ESR1: variants seen among roughly 807,000 people sequenced by gnomAD.
ESR1 encodes estrogen receptor.
ESR1 carries 12 observed loss-of-function variants against 52.7 expected under a neutral mutation model. That is an observed-to-expected ratio of 0.23 (90% CI 0.15 to 0.37). The LOEUF is 0.37. Among genes scored for constraint, ESR1 ranks in the 10% least tolerant of loss-of-function variants. The probability of loss-of-function intolerance (pLI) is 1.00; values close to 1 mark genes in which losing one functional copy is unlikely to be tolerated. For synonymous variants in ESR1, 305 were observed against 316.8 expected (o/e 0.96, Z 0.39); for missense variants, 584 against 779.7 (o/e 0.75, Z 2.99).
intron 1 of ESR1, among the ~76,000 whole-genome samples, chr6:151,834,080 A>G (rs1263503916): frequency 6.6e-6 from 1 of 152,214 alleles, no homozygotes; most frequent in Non-Finnish European, 1.5e-5. Flanking sequence ...AGAAATAGGA[A>G]CACTTTTACA....
At chr6:151,983,594 T>C (rs2040188713) in intron 4 of ESR1, 1 of 152,110 alleles carries the variant, frequency 6.6e-6, no homozygotes, top group South Asian at 2.1e-4. Flanking sequence ...TTATTTCCAA[T>C]GGAAAAAAAG....
chr6:151,899,991 G>A (rs1009508089), intron 3 of ESR1, among the ~76,000 whole-genome samples: 20 of 152,208 alleles, frequency 1.3e-4, no homozygotes, highest in African/African-American at 4.6e-4. Flanking sequence ...TCCCAGACGG[G>A]GTGGCCCCGG....
chr6:151,930,940 G>C (rs1447405228), intron 3 of ESR1, among the ~76,000 whole-genome samples: 1 of 151,976 alleles, frequency 6.6e-6, no homozygotes, highest in Non-Finnish European at 1.5e-5. Context: ...CCCTGGCTCT[G>C]GCTTTTTCAA....
intron 2 of ESR1, among the ~76,000 whole-genome samples, chr6:151,778,183 A>C (rs937973432): frequency 6.6e-6 from 1 of 152,104 alleles, no homozygotes; most frequent in Non-Finnish European, 1.5e-5. Flanking sequence ...ACTTATATAA[A>C]CTACCTAGAA....
At chr6:151,795,463 A>G (rs1181442813) in intron 2 of ESR1, among the ~76,000 whole-genome samples, 6 of 145,888 alleles carry the variant, frequency 4.1e-5, no homozygotes, top group African/African-American at 1.6e-4. Context: ...ACTCCAGCCC[A>G]GGCGGCAGAG....
At chr6:151,918,321 G>A (rs2030807501) in intron 3 of ESR1, among the ~76,000 whole-genome samples, 1 of 152,218 alleles carries the variant, frequency 6.6e-6, no homozygotes, top group African/African-American at 2.4e-5. Flanking sequence ...TGCAAGTGTA[G>A]CAATGAGAGA....
chr6:151,736,779 C>A (rs3020348), intron 2 of ESR1, among the ~76,000 whole-genome samples: 74,437 of 151,818 alleles, frequency 0.49, 19,567 homozygotes, highest in Non-Finnish European at 0.58. Context: ...GATAGGAAAG[C>A]GGTACAGTGA....
At chr6:151,717,610 G>T (rs970536355) in intron 2 of ESR1, among the ~76,000 whole-genome samples, 2 of 152,178 alleles carry the variant, frequency 1.3e-5, no homozygotes, top group African/African-American at 4.8e-5. Flanking sequence ...CCAGGAAAAG[G>T]AATAAAACTG....
chr6:151,731,468 T>C (rs1334752680), intron 2 of ESR1, among the ~76,000 whole-genome samples: 5 of 152,034 alleles, frequency 3.3e-5, no homozygotes, highest in South Asian at 2.1e-4. Context: ...AATGTGGACA[T>C]GGGCAGCTGC....
intron 2 of ESR1, among the ~76,000 whole-genome samples, chr6:151,868,391 G>A (rs769380316): frequency 3.9e-5 from 6 of 152,192 alleles, no homozygotes; most frequent in Non-Finnish European, 5.9e-5. Flanking sequence ...GCCTCCCAAA[G>A]TGGTGGGATT....
chr6:151,850,109 C>CATATTATTTTATATGCATAT (rs1442247809), intron 2 of ESR1, among the ~76,000 whole-genome samples: 1 of 40,938 alleles, frequency 2.4e-5, no homozygotes, highest in Non-Finnish European at 4.4e-5. Context: ...TATATATATA[C>CATATTATTTTATATGCATAT]AAAATTATAT....
At chr6:151,802,831 A>G (rs553978809), upstream of ESR1, among the ~76,000 whole-genome samples, 19 of 152,240 alleles carry the variant, frequency 1.2e-4, no homozygotes, top group African/African-American at 4.1e-4. Context: ...TCAACTAAAC[A>G]TACAAAAAAA....
intron 4 of ESR1, among the ~76,000 whole-genome samples, chr6:151,955,495 A>G (rs1444096434): frequency 6.6e-6 from 1 of 152,206 alleles, no homozygotes; most frequent in Non-Finnish European, 1.5e-5. Flanking sequence ...ATGATATTAA[A>G]TTCATAGGGG....
intron 3 of ESR1, among the ~76,000 whole-genome samples, chr6:151,940,275 C>T (rs2034897871): frequency 6.6e-6 from 1 of 152,168 alleles, no homozygotes; most frequent in Non-Finnish European, 1.5e-5. Flanking sequence ...CCCACTGAGT[C>T]CCTCCCACAT....
chr6:151,871,350 T>C (rs1790930482), intron 2 of ESR1, among the ~76,000 whole-genome samples: 1 of 152,146 alleles, frequency 6.6e-6, no homozygotes, highest in African/African-American at 2.4e-5. Flanking sequence ...ATTCACATTT[T>C]TGTGCAACCG....
At chr6:151,913,224 C>T (rs564319059) in intron 3 of ESR1, among the ~76,000 whole-genome samples, 1 of 152,286 alleles carries the variant, frequency 6.6e-6, no homozygotes, top group East Asian at 1.9e-4. Context: ...TCGGCCTCTA[C>T]TCCCACCACG....
intron 2 of ESR1, among the ~76,000 whole-genome samples, chr6:151,714,781 C>T (rs1289274658): frequency 6.6e-6 from 1 of 152,118 alleles, no homozygotes; most frequent in South Asian, 2.1e-4. Flanking sequence ...TGGGTCTTGA[C>T]TCTTTATCCA....
intron 2 of ESR1, among the ~76,000 whole-genome samples, chr6:151,745,779 C>G (rs563740187): frequency 1.2e-4 from 18 of 151,380 alleles, no homozygotes; most frequent in Non-Finnish European, 2.2e-4. Flanking sequence ...TACATTTTAC[C>G]ATCTTGATTT....
intron 1 of ESR1, among the ~76,000 whole-genome samples, chr6:151,830,423 C>G (rs955697987): frequency 6.6e-6 from 1 of 152,164 alleles, no homozygotes; most frequent in African/African-American, 2.4e-5. Context: ...GTTATTGTCT[C>G]CCAATACGGT....
Sources: gnomAD v4.1 joint callset for allele counts (sites outside exome capture counted in the v4.1 genomes callset) on GRCh38, gnomAD v4.1.1 for gene constraint, MANE v1.5 for transcripts, NCBI Gene and HGNC (gene_info 2026-07-23, HGNC 2026-07-21) for gene names.